Variants in VTA1 observed in about 807,000 individuals in gnomAD.
The protein encoded by VTA1 is vesicle trafficking 1, also known as vacuolar protein sorting-associated protein VTA1 homolog.
In VTA1, 24 loss-of-function variants were observed where a neutral mutation model predicts 36.9. The observed-to-expected ratio is 0.65, with a 90% confidence interval of 0.47 to 0.91. The LOEUF (loss-of-function observed/expected upper bound fraction) is 0.91, where lower values mean the gene tolerates loss of function less well. Ranked by LOEUF, VTA1 falls within the 40% of genes least tolerant of loss-of-function variation. The pLI, the probability that VTA1 is intolerant of heterozygous loss-of-function variation, is 0.00. For synonymous variants in VTA1, 142 were observed against 130.2 expected (o/e 1.09, Z -0.62); for missense variants, 393 against 377.2 (o/e 1.04, Z -0.35).
intron 1 of VTA1, among the ~76,000 whole-genome samples, chr6:142,152,613 T>C (rs1353034260): frequency 6.6e-6 from 1 of 152,190 alleles, no homozygotes; most frequent in Non-Finnish European, 1.5e-5. Context: ...ACTTTTTGTA[T>C]TTTAAAATGT....
chr6:142,147,495 C>G, intron 1 of VTA1, 96 bp downstream of exon 1: 2 of 1,282,048 alleles, frequency 1.6e-6, no homozygotes, highest in South Asian at 2.6e-5. Flanking sequence ...CCGCCCCCCT[C>G]GCTTTAAACC....
intron 1 of VTA1, among the ~76,000 whole-genome samples, chr6:142,156,387 G>A (rs1778662545): frequency 6.6e-6 from 1 of 152,160 alleles, no homozygotes; most frequent in South Asian, 2.1e-4. Flanking sequence ...TCCCCTAAGT[G>A]GAGAGTGGAA....
intron 1 of VTA1, among the ~76,000 whole-genome samples, chr6:142,152,368 TTA>T (rs1778583913): frequency 6.6e-6 from 1 of 152,116 alleles, no homozygotes; most frequent in Non-Finnish European, 1.5e-5. Flanking sequence ...TGATAGGTGG[TTA>T]TATGGTTTTT....
At chr6:142,173,137 GC>G (rs1231501678) in intron 4 of VTA1, among the ~76,000 whole-genome samples, 3 of 152,150 alleles carry the variant, frequency 2.0e-5, no homozygotes, top group African/African-American at 4.8e-5. Context: ...ATTACCAGAA[GC>G]CTCTTGGAAA....
intron 5 of VTA1, among the ~76,000 whole-genome samples, chr6:142,190,383 G>A (rs947208239): frequency 2.0e-5 from 3 of 151,738 alleles, no homozygotes; most frequent in Admixed American, 6.6e-5. Context: ...AAACATATAT[G>A]CTCCATTTTT....
At chr6:142,184,459 A>G (rs1326429339) in intron 4 of VTA1, among the ~76,000 whole-genome samples, 1 of 152,186 alleles carries the variant, frequency 6.6e-6, no homozygotes, top group Non-Finnish European at 1.5e-5. Flanking sequence ...GTGGTTTCAC[A>G]TTAGACTCTA....
intron 7 of VTA1, among the ~76,000 whole-genome samples, chr6:142,204,618 T>C (rs1199310035): frequency 1.3e-5 from 2 of 152,104 alleles, no homozygotes; most frequent in African/African-American, 2.4e-5. Flanking sequence ...ATTCAGACTT[T>C]TGTTTTCTTC....
rs550229574 is a variant in VTA1 at position 142,184,898 on chromosome 6, A to G, written c.412-4528A>G. Among the ~76,000 whole-genome samples, 4 of 152,310 alleles carry G rather than the reference A, an allele frequency of 2.6e-5. No individual in the cohort carries two copies. The South Asian group carries it at 8.3e-4, about 32-fold the overall frequency. ...AATGCTTTATAACCTGTAGAATGCT[A>G]TAAAGATGTCAGTCCAAGACTTTAA... On this transcript the variant is annotated intron_variant, in intron 4 of 7. Transcript: ENST00000367630.
chr6:142,193,347 G>T (rs1775489069), intron 5 of VTA1, among the ~76,000 whole-genome samples: 1 of 152,046 alleles, frequency 6.6e-6, no homozygotes, highest in Non-Finnish European at 1.5e-5. Flanking sequence ...TGTCTTCTGG[G>T]TTATTCCCCA....
At chr6:142,147,453 C>T (rs1778470892) in intron 1 of VTA1, 54 bp downstream of exon 1, 1 of 1,531,236 alleles carries the variant, frequency 6.5e-7, no homozygotes, top group South Asian at 1.2e-5. Flanking sequence ...TTTTAGGGCC[C>T]ACACACCTCC....
intron 7 of VTA1, among the ~76,000 whole-genome samples, chr6:142,215,600 T>C (rs1277298822): frequency 6.6e-6 from 1 of 152,196 alleles, no homozygotes; most frequent in Non-Finnish European, 1.5e-5. Flanking sequence ...AGGTTCAGTC[T>C]GTGTCCTGTG....
intron 7 of VTA1, among the ~76,000 whole-genome samples, chr6:142,205,942 A>G (rs565631691): frequency 1.0e-3 from 159 of 152,322 alleles, no homozygotes; most frequent in Non-Finnish European, 1.6e-3. Context: ...TGACTTAGAC[A>G]CAAAGAACAT....
chr6:142,152,866 C>T (rs538030727), intron 1 of VTA1, among the ~76,000 whole-genome samples: 52 of 152,178 alleles, frequency 3.4e-4, no homozygotes, highest in African/African-American at 1.2e-3. Context: ...GAGTATTTTG[C>T]TAAACTACTT....
At chr6:142,169,406 C>T (rs1166577885) in intron 2 of VTA1, 144 bp from the exon 3 acceptor site, 2 of 959,970 alleles carry the variant, frequency 2.1e-6, no homozygotes, top group Non-Finnish European at 3.0e-6. Context: ...CATAGCAGCT[C>T]TTTTTGCAAG....
intron 5 of VTA1, among the ~76,000 whole-genome samples, chr6:142,196,946 A>G (rs1418747642): frequency 6.6e-6 from 1 of 152,110 alleles, no homozygotes; most frequent in African/African-American, 2.4e-5. Flanking sequence ...CTGAGTGTGC[A>G]TAATTCAGGG....
At chr6:142,181,116 T>TATATATATATATATATATATAC (rs753996612) in intron 4 of VTA1, among the ~76,000 whole-genome samples, 16 of 87,050 alleles carry the variant, frequency 1.8e-4, no homozygotes, top group East Asian at 4.5e-4. Context: ...TATATATATA[T>TATATATATATATATATATATAC]ACACACACAC....
At chr6:142,156,712 T>C (rs912628216) in intron 1 of VTA1, among the ~76,000 whole-genome samples, 1 of 152,192 alleles carries the variant, frequency 6.6e-6, no homozygotes, top group African/African-American at 2.4e-5. Flanking sequence ...TTTGTTGATA[T>C]CATCATCAGA....
At chr6:142,181,090 AAAAAATATAT>A (rs1302538109) in intron 4 of VTA1, among the ~76,000 whole-genome samples, 6 of 41,066 alleles carry the variant, frequency 1.5e-4, no homozygotes, top group Non-Finnish European at 2.2e-4. Flanking sequence ...AAAAAAAAAA[AAAAAATATAT>A]ATATATATAT....
chr6:142,169,746 T>C lies in VTA1; in HGVS notation c.335+69T>C, dbSNP rs958146129. 4.2e-5 allele frequency: 57 copies of C among 1,345,510 alleles called. No homozygotes were observed. In the African/African-American group the frequency reaches 8.4e-4, roughly 20 times the overall value. The allele number at this position is 1,345,510 out of a possible 1,614,324, so 83.3% of individuals were successfully genotyped here. Reference sequence around the variant, plus strand: ...CTGTATAACCAAAATTAACTAGTTTTCTCTGGAACACTTTCTAACCTGCTG... The same window carrying C: ...CTGTATAACCAAAATTAACTAGTTTCCTCTGGAACACTTTCTAACCTGCTG... On this transcript the variant is annotated intron_variant, in intron 3 of 7. Coordinates refer to ENST00000367630, the MANE Select transcript of VTA1 (RefSeq NM_016485.5).
Sources: gnomAD v4.1 joint callset for allele counts (sites outside exome capture counted in the v4.1 genomes callset) on GRCh38, gnomAD v4.1.1 for gene constraint, MANE v1.5 for transcripts, NCBI Gene and HGNC (gene_info 2026-07-23, HGNC 2026-07-21) for gene names.